The following ATP10B variants were observed in gnomAD, a reference collection of about 807,000 sequenced individuals.
ATP10B encodes the protein ATPase phospholipid transporting 10B (putative), also known as phospholipid-transporting ATPase VB.
Under a neutral mutation model 141.2 loss-of-function variants are expected in ATP10B, and 122 were observed. That is an observed-to-expected ratio of 0.86 (90% CI 0.75 to 1.00). The LOEUF is 1.00. Among genes scored for constraint, ATP10B ranks in the 50% least tolerant of loss-of-function variants. The pLI, the probability that ATP10B is intolerant of heterozygous loss-of-function variation, is 0.00. For synonymous variants in ATP10B, 685 were observed against 692.0 expected, an observed-to-expected ratio of 0.99 and a Z score of 0.16; for missense variants, 1,876 against 1,825.3, an observed-to-expected ratio of 1.03 and a Z score of -0.51.
chr5:160,785,282 G>A (rs996077402), intron 2 of ATP10B, among the ~76,000 whole-genome samples: 14 of 152,038 alleles, frequency 9.2e-5, no homozygotes, highest in African/African-American at 3.4e-4. Flanking sequence ...CACATCTTAA[G>A]TGATATATAA....
At chr5:160,857,477 C>A in the ATP10B span, among the ~76,000 whole-genome samples, 1 of 151,708 alleles carries the variant, frequency 6.6e-6, no homozygotes, top group African/African-American at 2.4e-5. Flanking sequence ...TTTAAAAGAA[C>A]CAGCTCTTTG....
At position 160,569,693 on chromosome 5, in the gene ATP10B, G is replaced by A. The variant is rs1354901287; in HGVS notation, c.3751-10C>T. ...CTCCGTGGAAAATGGTCTGTGGAGG[G>A]AAATAAGCAAACACTGTTGAAGGTA... On this transcript the variant is annotated splice_polypyrimidine_tract_variant and intron_variant, in intron 24 of 25. Transcript: ENST00000327245. 2 of 1,541,938 alleles carry A rather than the reference G, an allele frequency of 1.3e-6. No homozygotes were observed. Among genetic ancestry groups the A allele is most frequent in the Admixed American group, 2.1e-5 (1 of 48,756 alleles).
chr5:160,734,555 T>A (rs542799520), intron 2 of ATP10B, among the ~76,000 whole-genome samples: 1 of 152,028 alleles, frequency 6.6e-6, no homozygotes, highest in East Asian at 1.9e-4. Flanking sequence ...ATTTATAAGA[T>A]TCATAACCTA....
intron 2 of ATP10B, among the ~76,000 whole-genome samples, chr5:160,772,158 T>C (rs955888994): frequency 7.9e-5 from 12 of 152,240 alleles, no homozygotes; most frequent in Non-Finnish European, 5.9e-5. Flanking sequence ...AATTGCTGGA[T>C]CATATGGTAA....
the ATP10B span, among the ~76,000 whole-genome samples, chr5:160,863,870 T>C: frequency 0.12 from 17,678 of 151,884 alleles, 1,202 homozygotes; most frequent in East Asian, 0.18. Flanking sequence ...TTCCTGGAAA[T>C]ATGCAACCCT....
chr5:160,628,842 C>T (rs1346975634), intron 13 of ATP10B, among the ~76,000 whole-genome samples: 2 of 152,044 alleles, frequency 1.3e-5, no homozygotes, highest in Non-Finnish European at 2.9e-5. Context: ...GGACTCAACT[C>T]ACCATTTTTA....
At chr5:160,604,794 A>G (rs1025672024) in intron 19 of ATP10B, among the ~76,000 whole-genome samples, 7 of 152,164 alleles carry the variant, frequency 4.6e-5, no homozygotes, top group Admixed American at 1.3e-4. Context: ...AACGTTCTAT[A>G]TCTGCACTGT....
chr5:160,873,300 G>A, the ATP10B span, among the ~76,000 whole-genome samples: 341 of 152,022 alleles, frequency 2.2e-3, 1 homozygote, highest in African/African-American at 7.7e-3. Flanking sequence ...CATTCTTCAC[G>A]GTGAAACTCA....
At chr5:160,851,489 C>T (rs916939912) in intron 1 of ATP10B, among the ~76,000 whole-genome samples, 3 of 152,106 alleles carry the variant, frequency 2.0e-5, no homozygotes, top group African/African-American at 7.2e-5. Context: ...TAGTTGAAAA[C>T]TACTGCAATA....
chr5:160,868,259 CTGAT>C, the ATP10B span, among the ~76,000 whole-genome samples: 493 of 152,144 alleles, frequency 3.2e-3, 5 homozygotes, highest in African/African-American at 0.011. Flanking sequence ...CTCTGGCTTC[CTGAT>C]TAATTTGAAT....
intron 24 of ATP10B, among the ~76,000 whole-genome samples, chr5:160,571,694 GTGTT>G (rs149491995): frequency 0.014 from 2,061 of 152,268 alleles, 41 homozygotes; most frequent in African/African-American, 0.048. Flanking sequence ...ATGTGTGTGT[GTGTT>G]TGTATTTTGC....
At chr5:160,634,249 C>A (rs1759175363) in intron 12 of ATP10B, 105 bp downstream of exon 12, 1 of 1,534,220 alleles carries the variant, frequency 6.5e-7, no homozygotes, top group South Asian at 1.1e-5. Context: ...AAATGCCACA[C>A]AGCCTCTAAG....
At chr5:160,781,408 G>A (rs1206014270) in intron 2 of ATP10B, among the ~76,000 whole-genome samples, 2 of 151,990 alleles carry the variant, frequency 1.3e-5, no homozygotes, top group African/African-American at 2.4e-5. Flanking sequence ...TGGTGTTGTC[G>A]GTTTGTGATG....
chr5:160,620,228 T>A (rs367550323), intron 15 of ATP10B, 119 bp downstream of exon 15: 60 of 1,323,466 alleles, frequency 4.5e-5, no homozygotes, highest in East Asian at 4.2e-4. Flanking sequence ...AGGTCTGTAT[T>A]CCAGTTGGGA....
chr5:160,773,340 A>C (rs1224774467), intron 2 of ATP10B, among the ~76,000 whole-genome samples: 1 of 152,186 alleles, frequency 6.6e-6, no homozygotes, highest in Admixed American at 6.5e-5. Context: ...TGATGCCGAG[A>C]GCCTGAAAAC....
At chr5:160,576,925 A>G (rs934622882) in intron 24 of ATP10B, among the ~76,000 whole-genome samples, 2 of 152,192 alleles carry the variant, frequency 1.3e-5, no homozygotes, top group African/African-American at 4.8e-5. Flanking sequence ...GGTAAGTATC[A>G]TAGGTAGATG....
At position 160,593,755 on chromosome 5, in the gene ATP10B, G is replaced by A. The variant is rs1354419411; in HGVS notation, c.3565-2616C>T. 3.3e-5 allele frequency among the ~76,000 whole-genome samples: 5 copies of A among 152,208 alleles called. No individual in the cohort carries two copies. In the South Asian group the frequency reaches 6.2e-4, roughly 19 times the overall value. ...CTGAAAGCCAAGGCTCGAGAACTAC[G>A]TGAAGAATGCAGAAGCCTCAGGAGC... On this transcript the variant is annotated intron_variant, in intron 22 of 25. Coordinates refer to ENST00000327245, the MANE Select transcript of ATP10B (RefSeq NM_025153.3).
chr5:160,635,276 C>G (rs1468346062), intron 11 of ATP10B, among the ~76,000 whole-genome samples: 4 of 152,030 alleles, frequency 2.6e-5, no homozygotes, highest in African/African-American at 4.8e-5. Flanking sequence ...GAGGAGAAAG[C>G]CAGGCACAGG....
the ATP10B span, among the ~76,000 whole-genome samples, chr5:160,886,437 G>A: frequency 5.9e-5 from 9 of 152,168 alleles, no homozygotes; most frequent in African/African-American, 2.2e-4. Flanking sequence ...GCCCTGGATA[G>A]CTTAGAGGGG....
Sources: gnomAD v4.1 joint callset for allele counts (sites outside exome capture counted in the v4.1 genomes callset) on GRCh38, gnomAD v4.1.1 for gene constraint, MANE v1.5 for transcripts, NCBI Gene and HGNC (gene_info 2026-07-23, HGNC 2026-07-21) for gene names.